The following CNTNAP5 variants were observed in gnomAD, a reference collection of about 807,000 sequenced individuals.
CNTNAP5 encodes contactin associated protein family member 5.
A neutral mutation model predicts 150.2 loss-of-function variants in CNTNAP5; 72 were observed. The ratio of observed to expected loss-of-function variants is 0.48; its 90% CI spans 0.40 to 0.58. The LOEUF is 0.58. CNTNAP5 is among the 20% of genes least tolerant of loss of function. CNTNAP5 has a pLI of 0.00. For synonymous variants in CNTNAP5, 672 were observed against 619.8 expected (o/e 1.08, Z -1.25); for missense variants, 1,636 against 1,626.2 (o/e 1.01, Z -0.10).
At chr2:124,222,044 G>A (rs1457001321) in intron 2 of CNTNAP5, among the ~76,000 whole-genome samples, 4 of 152,144 alleles carry the variant, frequency 2.6e-5, no homozygotes, top group East Asian at 3.9e-4. Context: ...TGATTATCAC[G>A]AGAGGTCTTT....
chr2:124,072,315 G>C (rs1682326226), intron 1 of CNTNAP5, among the ~76,000 whole-genome samples: 1 of 151,608 alleles, frequency 6.6e-6, no homozygotes, highest in Non-Finnish European at 1.5e-5. Context: ...TAAGATGTGG[G>C]AAAAAAATAC....
At chr2:124,158,389 C>T (rs1032364147) in intron 1 of CNTNAP5, among the ~76,000 whole-genome samples, 13 of 152,152 alleles carry the variant, frequency 8.5e-5, no homozygotes, top group East Asian at 3.9e-4. Flanking sequence ...ATATAACCTA[C>T]GCACATCTTC....
In CNTNAP5 at chr2:124,609,826, G is replaced by T; in HGVS notation, c.1782G>T (p.Val594=). Residue 594 remains valine, a synonymous_variant, in exon 12 of 24, where the codon GTG becomes GTT. Coordinates refer to ENST00000682447, the MANE Select transcript of CNTNAP5 (RefSeq NM_001367498.1). The stretch of plus-strand genomic sequence containing the variant: ...CCATCTACGAGCAATCCTGCGAGGT[G>T]TACAGGCACCAGGGGAATACAGCCG... The part of the protein sequence containing the change: ...HNSIYEQSCE[V]YRHQGNTAGF... The T allele has an allele frequency of 6.2e-7, 1 of 1,614,018 alleles. No individual in the cohort carries two copies. Among genetic ancestry groups the T allele is most frequent in the African/African-American group, 1.3e-5 (1 of 75,062 alleles).
At chr2:124,783,084 G>A (rs1273988712) in intron 17 of CNTNAP5, among the ~76,000 whole-genome samples, 11 of 152,146 alleles carry the variant, frequency 7.2e-5, no homozygotes, top group South Asian at 4.1e-4. Context: ...TTTCAGAAAC[G>A]GGTTAGTGGT....
At chr2:124,583,285 C>T (rs901281257) in intron 11 of CNTNAP5, among the ~76,000 whole-genome samples, 10 of 152,206 alleles carry the variant, frequency 6.6e-5, no homozygotes, top group African/African-American at 9.6e-5. Flanking sequence ...CAGGAATACT[C>T]AGGGAAGCAA....
At chr2:124,606,390 A>T (rs1697107194) in intron 11 of CNTNAP5, among the ~76,000 whole-genome samples, 1 of 152,192 alleles carries the variant, frequency 6.6e-6, no homozygotes, top group African/African-American at 2.4e-5. Flanking sequence ...AAGAAGTAAC[A>T]ATATAGACAT....
At chr2:124,742,165 T>A (rs947131638) in intron 13 of CNTNAP5, among the ~76,000 whole-genome samples, 10 of 152,200 alleles carry the variant, frequency 6.6e-5, no homozygotes, top group African/African-American at 2.4e-4. Context: ...CAAGGAGTTT[T>A]ATAGGCAGAC....
rs190773295 is a variant in CNTNAP5, at chr2:124,542,765, T to C, written c.1649+15309T>C. Among the ~76,000 whole-genome samples, 23 of 152,282 alleles carry C rather than the reference T, an allele frequency of 1.5e-4. No individual in the cohort carries two copies. In the East Asian group the frequency reaches 3.7e-3, roughly 24 times the overall value. The stretch of plus-strand genomic sequence containing the variant: ...TTGTATCTTGCCCATCCAAAGTTCA[T>C]CACGTCTACTGATGCATTCAGCTGA... On this transcript the variant is annotated intron_variant, in intron 10 of 23. Coordinates refer to ENST00000682447, the MANE Select transcript of CNTNAP5 (RefSeq NM_001367498.1).
intron 10 of CNTNAP5, among the ~76,000 whole-genome samples, chr2:124,552,497 T>C (rs1695650013): frequency 6.6e-6 from 1 of 152,206 alleles, no homozygotes; most frequent in African/African-American, 2.4e-5. Flanking sequence ...GTCTCATTCC[T>C]GGGCTTATAA....
In CNTNAP5 at chr2:124,745,027, C is replaced by G. The variant is rs58073111; in HGVS notation, c.2078-2202C>G. 3.9e-3 allele frequency among the ~76,000 whole-genome samples: 588 copies of G among 152,232 alleles called. 2 individuals are homozygous for G. Among genetic ancestry groups the G allele is most frequent in the African/African-American group, 0.014 (573 of 41,528 alleles). On this transcript the variant is annotated intron_variant, in intron 13 of 23. Coordinates refer to ENST00000682447, the MANE Select transcript of CNTNAP5 (RefSeq NM_001367498.1). ...ACTTTTAAACTTCTCAACCTTTAAG[C>G]CAGACATTAGGAGGGAGGCACTAAG...
chr2:124,172,790 TG>T (rs1307706467), intron 1 of CNTNAP5, among the ~76,000 whole-genome samples: 1 of 152,040 alleles, frequency 6.6e-6, no homozygotes, highest in Non-Finnish European at 1.5e-5. Flanking sequence ...TGTGTGTGTG[TG>T]TGTGTGTGTG....
chr2:124,396,616 G>T (rs1691251913), intron 3 of CNTNAP5, among the ~76,000 whole-genome samples: 1 of 152,114 alleles, frequency 6.6e-6, no homozygotes, highest in African/African-American at 2.4e-5. Context: ...TTTAAATACA[G>T]TGTCAGAGTC....
intron 13 of CNTNAP5, among the ~76,000 whole-genome samples, chr2:124,708,995 G>A (rs1480802163): frequency 6.6e-6 from 1 of 152,134 alleles, no homozygotes; most frequent in Non-Finnish European, 1.5e-5. Context: ...CACTCACCGT[G>A]CGCTGTGCTT....
chr2:124,808,192 TC>T lies in CNTNAP5; in HGVS notation c.3217+9876del, dbSNP rs1368666570. Among the ~76,000 whole-genome samples, 3 of 152,216 alleles carry T rather than the reference TC, an allele frequency of 2.0e-5. No individual in the cohort carries two copies. The East Asian group carries it at 5.8e-4, about 29-fold the overall frequency. On this transcript the variant is annotated intron_variant, in intron 19 of 23. Coordinates refer to ENST00000682447, the MANE Select transcript of CNTNAP5 (RefSeq NM_001367498.1). ...AGTGATTTTAAAGTATTAATAGGGCTCCCCAGGATTTTTTATTTTTTGGTCA... is the reference window on the plus strand; with the variant it reads ...AGTGATTTTAAAGTATTAATAGGGCTCCCAGGATTTTTTATTTTTTGGTCA...
At position 124,489,012 on chromosome 2, in the gene CNTNAP5, T is replaced by C. The variant is rs144380253; in HGVS notation, c.1062+14130T>C. On this transcript the variant is annotated intron_variant, in intron 7 of 23. Transcript: ENST00000682447. ...CCCTGTGTGTGGCAGAAGATGTGGC[T>C]TCTCCAGTCAATTGGGCCACTACGT... is the stretch of plus-strand genomic sequence containing the variant. Among the ~76,000 whole-genome samples, 769 of 152,310 alleles carry C rather than the reference T, an allele frequency of 5.0e-3. 7 individuals are homozygous for C. The highest frequency in any genetic ancestry group is 0.018 in the African/African-American group (730 of 41,566).
At chr2:124,742,423 T>A (rs1239672377) in intron 13 of CNTNAP5, among the ~76,000 whole-genome samples, 1 of 152,108 alleles carries the variant, frequency 6.6e-6, no homozygotes, top group Non-Finnish European at 1.5e-5. Context: ...ACACTCATGG[T>A]TATCCCCTTG....
intron 3 of CNTNAP5, among the ~76,000 whole-genome samples, chr2:124,325,757 T>C (rs181762156): frequency 9.6e-4 from 146 of 152,284 alleles, no homozygotes; most frequent in African/African-American, 3.3e-3. Flanking sequence ...TACATTTAAC[T>C]ATATATTGCA....
At chr2:124,810,806 G>A (rs1682199149) in intron 19 of CNTNAP5, among the ~76,000 whole-genome samples, 1 of 152,038 alleles carries the variant, frequency 6.6e-6, no homozygotes, top group Non-Finnish European at 1.5e-5. Context: ...CTGGGAGGGT[G>A]CATTTAACAA....
At chr2:124,521,992 C>A (rs977159492) in intron 8 of CNTNAP5, among the ~76,000 whole-genome samples, 4 of 152,152 alleles carry the variant, frequency 2.6e-5, no homozygotes, top group African/African-American at 9.6e-5. Flanking sequence ...TCACCCCAAG[C>A]AGATGTTCAG....
Sources: allele counts gnomAD v4.1 joint callset (sites outside exome capture counted in the v4.1 genomes callset), GRCh38; gene constraint gnomAD v4.1.1; transcripts MANE v1.5; gene names NCBI Gene and HGNC (gene_info 2026-07-23, HGNC 2026-07-21).